The following PLXNA4 variants were observed in gnomAD, a reference collection of about 807,000 sequenced individuals.
The protein encoded by PLXNA4 is plexin-A4.
A neutral mutation model predicts 191.8 loss-of-function variants in PLXNA4; 44 were observed. That is an observed-to-expected ratio of 0.23 (90% CI 0.18 to 0.29). PLXNA4 has a LOEUF of 0.29. Ranked by LOEUF, PLXNA4 falls within the 10% of genes least tolerant of loss-of-function variation. The pLI is 1.00. For synonymous variants in PLXNA4, 1,082 were observed against 1,009.5 expected (o/e 1.07, Z -1.36); for missense variants, 1,800 against 2,488.8 (o/e 0.72, Z 5.89).
intron 2 of PLXNA4, among the ~76,000 whole-genome samples, chr7:132,639,313 C>T (rs1461867202): frequency 6.6e-6 from 1 of 152,160 alleles, no homozygotes; most frequent in East Asian, 1.9e-4. Context: ...TCAGTTTCCA[C>T]TTCCAGCCCA....
chr7:132,582,991 T>A (rs1321741942), intron 2 of PLXNA4, among the ~76,000 whole-genome samples: 2 of 152,206 alleles, frequency 1.3e-5, no homozygotes, highest in Non-Finnish European at 2.9e-5. Context: ...CATCTCAGTG[T>A]GTTACACAGA....
chr7:132,591,870 A>G (rs1802609497), intron 2 of PLXNA4, among the ~76,000 whole-genome samples: 1 of 152,146 alleles, frequency 6.6e-6, no homozygotes, highest in African/African-American at 2.4e-5. Flanking sequence ...TCTCCCAGAA[A>G]ACAGGATTAC....
At position 132,273,388 on chromosome 7, in the gene PLXNA4, T is replaced by C. The variant is rs149635280; in HGVS notation, c.1503+24703A>G. ...CACACGCACACACCTCCCATCACTT[T>C]GTCTCCAGAATCATATTATAGGCTA... On this transcript the variant is annotated intron_variant, in intron 4 of 31. Coordinates refer to ENST00000321063, the MANE Select transcript of PLXNA4 (RefSeq NM_020911.2). Among the ~76,000 whole-genome samples, 1,051 of 152,178 alleles carry C rather than the reference T, an allele frequency of 6.9e-3. 6 individuals carry two copies. Among genetic ancestry groups the C allele is most frequent in the Non-Finnish European group, 0.011 (746 of 67,992 alleles).
chr7:132,508,696 C>A lies in PLXNA4; in HGVS notation c.-3G>T. Reference sequence around the variant, plus strand: ...CAGTTCCAGGGCATGGCTTTCATGGCAGAGGCGGGTCCCAGTGGCACAGCA... The same window carrying A: ...CAGTTCCAGGGCATGGCTTTCATGGAAGAGGCGGGTCCCAGTGGCACAGCA... On this transcript the variant is annotated 5_prime_UTR_variant, in exon 2 of 32. Transcript: ENST00000321063. The surrounding 1 kb of genome is among the most constrained non-coding windows in gnomAD (Gnocchi z 4.4). 6.7e-7 allele frequency: 1 copy of A among 1,501,514 alleles called. No homozygotes were observed. 93.0% of individuals were successfully genotyped at this position (1,501,514 alleles called of 1,614,324 possible).
chr7:132,565,124 G>A (rs905598769), intron 1 of PLXNA4, among the ~76,000 whole-genome samples: 2 of 152,186 alleles, frequency 1.3e-5, no homozygotes, highest in African/African-American at 4.8e-5. Flanking sequence ...CACCTTGTGT[G>A]TAAATAGACT....
chr7:132,260,760 T>A (rs1257207032), intron 4 of PLXNA4, among the ~76,000 whole-genome samples: 1 of 152,152 alleles, frequency 6.6e-6, no homozygotes, highest in South Asian at 2.1e-4. Flanking sequence ...GCACAGAGAA[T>A]TTTTAGGGCA....
At chr7:132,177,893 A>C (rs1373384433) in intron 20 of PLXNA4, among the ~76,000 whole-genome samples, 1 of 152,230 alleles carries the variant, frequency 6.6e-6, no homozygotes, top group Non-Finnish European at 1.5e-5. Flanking sequence ...TTCCCCATCA[A>C]AAAGAGCCGT....
At chr7:132,416,891 T>C (rs1189213750) in intron 3 of PLXNA4, among the ~76,000 whole-genome samples, 2 of 152,044 alleles carry the variant, frequency 1.3e-5, no homozygotes, top group Non-Finnish European at 2.9e-5. Flanking sequence ...CCCACCCCCA[T>C]ACTGTTCATC....
chr7:132,572,265 G>A (rs1255121541), intron 1 of PLXNA4, among the ~76,000 whole-genome samples: 1 of 152,180 alleles, frequency 6.6e-6, no homozygotes, highest in Non-Finnish European at 1.5e-5. Flanking sequence ...CCTCCTGGAG[G>A]AAATAGGGAC....
chr7:132,221,354 C>G (rs1798138783), intron 9 of PLXNA4, among the ~76,000 whole-genome samples: 1 of 152,226 alleles, frequency 6.6e-6, no homozygotes, highest in Non-Finnish European at 1.5e-5. Context: ...TTGGGCCTCT[C>G]CGCACATAGA....
chr7:132,330,695 C>T (rs996599835), intron 3 of PLXNA4, among the ~76,000 whole-genome samples: 1 of 152,126 alleles, frequency 6.6e-6, no homozygotes, highest in African/African-American at 2.4e-5. Flanking sequence ...CTGAGTGTCC[C>T]AGCTGTGCTA....
At chr7:132,455,467 C>T (rs1563109050) in intron 3 of PLXNA4, among the ~76,000 whole-genome samples, 1 of 151,966 alleles carries the variant, frequency 6.6e-6, no homozygotes, top group Non-Finnish European at 1.5e-5. Context: ...AGAGTGAGGG[C>T]CGCTCGAATT....
chr7:132,636,046 T>C (rs1803599243), intron 2 of PLXNA4, among the ~76,000 whole-genome samples: 1 of 152,086 alleles, frequency 6.6e-6, no homozygotes. Flanking sequence ...GGAGTGGGCA[T>C]CCCCTCCAAA....
At chr7:132,623,709 T>C (rs368379089) in intron 2 of PLXNA4, among the ~76,000 whole-genome samples, 1 of 152,194 alleles carries the variant, frequency 6.6e-6, no homozygotes, top group East Asian at 1.9e-4. Context: ...CCTGGGGCTC[T>C]ACAGAGAACA....
chr7:132,444,337 C>A (rs576548425), intron 3 of PLXNA4, among the ~76,000 whole-genome samples: 1 of 152,256 alleles, frequency 6.6e-6, no homozygotes. Context: ...TCACTGCAAC[C>A]ACCTCCTCCT....
At chr7:132,562,673 C>CCTCCTCCT (rs1801273860) in intron 1 of PLXNA4, among the ~76,000 whole-genome samples, 2 of 117,178 alleles carry the variant, frequency 1.7e-5, no homozygotes, top group Admixed American at 7.9e-5. Flanking sequence ...TCTTCCTCCT[C>CCTCCTCCT]CTCCTCCTCT....
chr7:132,622,286 G>C (rs1021807749), intron 2 of PLXNA4, among the ~76,000 whole-genome samples: 1 of 152,146 alleles, frequency 6.6e-6, no homozygotes, highest in Non-Finnish European at 1.5e-5. Flanking sequence ...GTCACCACTT[G>C]AAAAAGAGCT....
At chr7:132,247,135 T>G (rs959209234) in intron 4 of PLXNA4, among the ~76,000 whole-genome samples, 2 of 152,208 alleles carry the variant, frequency 1.3e-5, no homozygotes, top group Non-Finnish European at 2.9e-5. Flanking sequence ...AGGGTCTCAC[T>G]CTGCCTGTTG....
At chr7:132,377,110 T>C (rs945603883) in intron 3 of PLXNA4, among the ~76,000 whole-genome samples, 18 of 152,138 alleles carry the variant, frequency 1.2e-4, no homozygotes, top group Non-Finnish European at 1.5e-5. Flanking sequence ...GGATCTCTCT[T>C]TCTCTCTGCT....
Sources: allele counts gnomAD v4.1 joint callset (sites outside exome capture counted in the v4.1 genomes callset), GRCh38; gene constraint gnomAD v4.1.1; non-coding constraint Gnocchi (gnomAD v3.1); transcripts MANE v1.5; gene names NCBI Gene and HGNC (gene_info 2026-07-23, HGNC 2026-07-21).